The following FAM13A variants were observed in gnomAD, a reference collection of about 807,000 sequenced individuals.
FAM13A encodes the protein protein FAM13A.
FAM13A carries 76 observed loss-of-function variants against 129.6 expected under a neutral mutation model. The ratio of observed to expected loss-of-function variants is 0.59; its 90% confidence interval spans 0.49 to 0.71. The LOEUF is 0.71. Among genes scored for constraint, FAM13A ranks in the 30% least tolerant of loss-of-function variants. The probability of loss-of-function intolerance (pLI) is 0.00; values close to 1 mark genes in which losing one functional copy is unlikely to be tolerated. For missense variants in FAM13A, 1,108 were observed against 1,249.3 expected (o/e 0.89, Z 1.70); for synonymous variants, 443 against 449.9 (o/e 0.98, Z 0.20).
chr4:88,729,543 C>G (rs1230312960), intron 23 of FAM13A: 1 of 152,158 alleles, frequency 6.6e-6, no homozygotes, highest in African/African-American at 2.4e-5. Flanking sequence ...CTGCCTTGTT[C>G]TAGGAAAGGA....
intron 17 of FAM13A, among the ~76,000 whole-genome samples, chr4:88,748,109 G>C (rs1741769262): frequency 6.6e-6 from 1 of 152,070 alleles, no homozygotes. Flanking sequence ...AGCCAGGATG[G>C]TCTCGATCTC....
At chr4:88,871,154 A>G (rs1172311437) in intron 6 of FAM13A, among the ~76,000 whole-genome samples, 1 of 152,252 alleles carries the variant, frequency 6.6e-6, no homozygotes, top group Non-Finnish European at 1.5e-5. Flanking sequence ...CACCATCATT[A>G]AAGACCAAAG....
chr4:88,777,633 G>A (rs1448961213), intron 11 of FAM13A, among the ~76,000 whole-genome samples: 1 of 152,160 alleles, frequency 6.6e-6, no homozygotes, highest in African/African-American at 2.4e-5. Flanking sequence ...GGAGAAAGGA[G>A]CCAGATAGTT....
At chr4:88,755,564 A>C (rs1743444246) in intron 14 of FAM13A, among the ~76,000 whole-genome samples, 1 of 152,216 alleles carries the variant, frequency 6.6e-6, no homozygotes, top group South Asian at 2.1e-4. Flanking sequence ...GCCCACAAGG[A>C]TATAAAACTG....
intron 23 of FAM13A, chr4:88,729,387 CTTTGTGT>C (rs1175332973): frequency 1.3e-5 from 2 of 152,204 alleles, no homozygotes; most frequent in African/African-American, 4.8e-5. Flanking sequence ...TGCGCTGCTG[CTTTGTGT>C]TTTATGGGAA....
Position 89,029,520 on chromosome 4 carries a change from G to A in FAM13A, c.157C>T (p.Leu53Phe). ...VSLQELERQG[L>F]TENGIPAVVW... ...ACTGCTGGAATGCCATTCTCGGTGA[G>A]CCCCTGCCGTTCAAGTTCTTGGAGA... The change falls in exon 2 of 24, where the codon CTC becomes TTC. Residue 53 changes from leucine (L) to phenylalanine (F), a missense_variant. Leu to Phe is a conservative substitution (Grantham distance 22, BLOSUM62 0). Coordinates refer to ENST00000264344, the MANE Select transcript of FAM13A (RefSeq NM_014883.4). 6.3e-7 allele frequency: 1 copy of A among 1,590,942 alleles called. No homozygotes were observed. Among genetic ancestry groups the A allele is most frequent in the Non-Finnish European group, 8.5e-7 (1 of 1,173,270 alleles).
At chr4:88,842,382 G>A (rs146607084) in intron 7 of FAM13A, among the ~76,000 whole-genome samples, 2 of 152,356 alleles carry the variant, frequency 1.3e-5, no homozygotes, top group African/African-American at 2.4e-5. Context: ...CCACAGAAGC[G>A]TAAACCAGGA....
chr4:88,987,136 T>C (rs1445019075), intron 4 of FAM13A, among the ~76,000 whole-genome samples: 2 of 152,122 alleles, frequency 1.3e-5, no homozygotes, highest in Admixed American at 6.5e-5. Context: ...CTGCCAAATT[T>C]GGGATAATTT....
intron 7 of FAM13A, among the ~76,000 whole-genome samples, chr4:88,849,671 T>C (rs1737223083): frequency 6.6e-6 from 1 of 152,204 alleles, no homozygotes; most frequent in Non-Finnish European, 1.5e-5. Context: ...TCTCTATTGC[T>C]TTCCTTATTA....
chr4:89,031,705 G>C (rs1304431463), intron 1 of FAM13A, among the ~76,000 whole-genome samples: 1 of 151,992 alleles, frequency 6.6e-6, no homozygotes, highest in Admixed American at 6.6e-5. Flanking sequence ...CTCCATAAAG[G>C]TTACTTTTTT....
intron 8 of FAM13A, among the ~76,000 whole-genome samples, chr4:88,793,397 AT>A (rs1173799493): frequency 6.6e-6 from 1 of 151,918 alleles, no homozygotes; most frequent in African/African-American, 2.4e-5. Flanking sequence ...TCATATTCAT[AT>A]TTTTGCTAGC....
At chr4:88,953,810 T>C (rs1757319815) in intron 4 of FAM13A, among the ~76,000 whole-genome samples, 1 of 152,216 alleles carries the variant, frequency 6.6e-6, no homozygotes, top group African/African-American at 2.4e-5. Flanking sequence ...TGAAAAATAT[T>C]CTATTGTATG....
At chr4:89,020,306 G>A (rs547194537) in intron 3 of FAM13A, among the ~76,000 whole-genome samples, 154 bp downstream of exon 3, 1 of 144,096 alleles carries the variant, frequency 6.9e-6, no homozygotes, top group African/African-American at 2.5e-5. Context: ...TGTAGAGATG[G>A]GGGTCTTGCT....
At chr4:88,825,990 C>T (rs374427514) in intron 7 of FAM13A, among the ~76,000 whole-genome samples, 1 of 152,150 alleles carries the variant, frequency 6.6e-6, no homozygotes, top group East Asian at 1.9e-4. Flanking sequence ...CTTCTCTCTA[C>T]CCCAGCCACT....
intron 2 of FAM13A, among the ~76,000 whole-genome samples, chr4:89,027,201 CAAT>C (rs1180212867): frequency 6.6e-6 from 1 of 152,090 alleles, no homozygotes. Flanking sequence ...AGATTAACAA[CAAT>C]AACTAATAAT....
Position 88,731,360 on chromosome 4 carries a change from T to C in FAM13A, c.2912A>G (p.Asp971Gly). The change falls in exon 23 of 24, where the codon GAT becomes GGT. Residue 971 changes from aspartate (D) to glycine (G), a missense_variant. By Grantham distance (94) the Asp-to-Gly change is moderately conservative. Around this residue, in one of 3 missense-constraint regions of FAM13A, gnomAD observed 529 missense variants for 621.2 expected, o/e 0.85. Transcript: ENST00000264344. ...CTGTCTGAAAAAGTTGTCTTCAAAA[T>C]CCCGAAGTTTCTTTCGAATCCTTTT... ...EKKRIRKKLR[D>G]FEDNFFRQNG... The C allele has an allele frequency of 6.2e-7, 1 of 1,609,094 alleles. No individual in the cohort carries two copies. The highest frequency in any genetic ancestry group is 8.5e-7 in the Non-Finnish European group (1 of 1,179,568).
At chr4:88,739,943 A>T (rs1271374332) in intron 19 of FAM13A, among the ~76,000 whole-genome samples, 2 of 152,154 alleles carry the variant, frequency 1.3e-5, no homozygotes, top group Non-Finnish European at 2.9e-5. Flanking sequence ...GTGTATCCCT[A>T]AAATCTGGCA....
chr4:88,916,707 C>T (rs1042170860), intron 5 of FAM13A, among the ~76,000 whole-genome samples: 2 of 152,202 alleles, frequency 1.3e-5, no homozygotes, highest in Non-Finnish European at 2.9e-5. Context: ...GCTTGCTCCA[C>T]CATGTCATTT....
At chr4:88,920,293 G>A (rs1750833157) in intron 5 of FAM13A, among the ~76,000 whole-genome samples, 1 of 152,166 alleles carries the variant, frequency 6.6e-6, no homozygotes, top group African/African-American at 2.4e-5. Context: ...TAACTGGGAG[G>A]CACCCCATAG....
Sources: allele counts gnomAD v4.1 joint callset (sites outside exome capture counted in the v4.1 genomes callset), GRCh38; gene constraint gnomAD v4.1.1; regional missense constraint gnomAD v4.1.1; transcripts MANE v1.5; gene names NCBI Gene and HGNC (gene_info 2026-07-23, HGNC 2026-07-21).